The following TNNI3K variants were observed in gnomAD, a reference collection of about 807,000 sequenced individuals.
The protein encoded by TNNI3K is serine/threonine-protein kinase TNNI3K.
A neutral mutation model predicts 114.5 loss-of-function variants in TNNI3K; 140 were observed. That is an observed-to-expected ratio of 1.22 (90% CI 1.07 to 1.41). The LOEUF is 1.41. TNNI3K is among the 40% of genes most tolerant of loss of function. The pLI is 0.00. For synonymous variants in TNNI3K, 347 were observed against 347.5 expected, an observed-to-expected ratio of 1.00 and a Z score of 0.02; for missense variants, 1,125 against 1,007.6, an observed-to-expected ratio of 1.12 and a Z score of -1.58.
chr1:74,328,362 A>G (rs1241210509), intron 5 of TNNI3K, among the ~76,000 whole-genome samples: 2 of 152,088 alleles, frequency 1.3e-5, no homozygotes, highest in Non-Finnish European at 2.9e-5. Context: ...CTTGATAGGT[A>G]TATATTGAAG....
intron 4 of TNNI3K, among the ~76,000 whole-genome samples, chr1:74,254,188 A>G (rs1189755169): frequency 1.3e-5 from 2 of 152,182 alleles, no homozygotes; most frequent in African/African-American, 4.8e-5. Context: ...ATTTGACAGT[A>G]AATTGTATAA....
intron 4 of TNNI3K, among the ~76,000 whole-genome samples, chr1:74,255,505 A>G (rs544620226): frequency 5.9e-5 from 9 of 152,216 alleles, no homozygotes; most frequent in Non-Finnish European, 1.2e-4. Flanking sequence ...TTTTCTAATC[A>G]ATAGAGTAAT....
chr1:74,484,968 A>G (rs911386471), intron 21 of TNNI3K, among the ~76,000 whole-genome samples: 5 of 152,056 alleles, frequency 3.3e-5, no homozygotes, highest in Admixed American at 3.3e-4. Context: ...GTAGAGAAGG[A>G]TGAGAGGTAA....
At chr1:74,256,184 A>AAC (rs1655283736) in intron 4 of TNNI3K, among the ~76,000 whole-genome samples, 1 of 151,968 alleles carries the variant, frequency 6.6e-6, no homozygotes, top group African/African-American at 2.4e-5. Flanking sequence ...GAAACTAACA[A>AAC]ACTTTTTAAC....
intron 21 of TNNI3K, among the ~76,000 whole-genome samples, chr1:74,482,452 A>G (rs1300296442): frequency 6.6e-6 from 1 of 152,246 alleles, no homozygotes; most frequent in African/African-American, 2.4e-5. Flanking sequence ...GTTTAGTGTT[A>G]AAGCATTTTC....
Position 74,369,545 on chromosome 1 carries a change from T to C in TNNI3K, c.1627T>C (p.Ser543Pro), listed in dbSNP as rs757697633. 6.2e-7 allele frequency: 1 copy of C among 1,611,916 alleles called. No individual in the cohort carries two copies. Among genetic ancestry groups the C allele is most frequent in the Non-Finnish European group, 8.5e-7 (1 of 1,178,780 alleles). ...GTTTGCCATTGTCACTCAATACATATCAGGGGGTTCTCTGTTCTCCCTCCT... is the reference window on the plus strand; with the variant it reads ...GTTTGCCATTGTCACTCAATACATACCAGGGGGTTCTCTGTTCTCCCTCCT... ...SQFAIVTQYISGGSLFSLLHE... is the reference protein window; with the variant it reads ...SQFAIVTQYIPGGSLFSLLHE... The change falls in exon 16 of 25, where the codon TCA (serine) becomes CCA (proline). Residue 543 changes from serine to proline, a missense_variant. Coordinates refer to ENST00000326637, the MANE Select transcript of TNNI3K (RefSeq NM_015978.3).
intron 23 of TNNI3K, among the ~76,000 whole-genome samples, chr1:74,499,646 G>A (rs1570705791): frequency 6.6e-6 from 1 of 151,858 alleles, no homozygotes; most frequent in Non-Finnish European, 1.5e-5. Context: ...AGAGGGGAGG[G>A]GGCTACTACA....
At chr1:74,356,362 G>A (rs901449566) in intron 11 of TNNI3K, among the ~76,000 whole-genome samples, 13 of 152,150 alleles carry the variant, frequency 8.5e-5, no homozygotes, top group South Asian at 2.1e-4. Context: ...TATGTCTTTC[G>A]TTGAATATAT....
chr1:74,526,686 C>T (rs1233801295), intron 23 of TNNI3K, among the ~76,000 whole-genome samples: 3 of 152,112 alleles, frequency 2.0e-5, no homozygotes, highest in Non-Finnish European at 4.4e-5. Context: ...TAGTCTTTAA[C>T]ATTCCTCTCC....
At chr1:74,377,479 G>A (rs1270110999) in intron 17 of TNNI3K, among the ~76,000 whole-genome samples, 1 of 151,884 alleles carries the variant, frequency 6.6e-6, no homozygotes, top group Admixed American at 6.6e-5. Flanking sequence ...TTCACAAGTA[G>A]CCAAAACAGA....
chr1:74,318,895 C>T (rs1469487401), intron 5 of TNNI3K, among the ~76,000 whole-genome samples: 2 of 152,204 alleles, frequency 1.3e-5, no homozygotes, highest in African/African-American at 4.8e-5. Context: ...TCGTAAGTAA[C>T]TATTCCAATG....
In TNNI3K at chr1:74,370,312, A is replaced by G. The variant is rs1480101664; in HGVS notation, c.1692A>G (p.Leu564=). ...QKRILDLQSK[L]IIAVDVAKGM... is the part of the protein sequence containing the mutation. ...GGATTCTTGATTTGCAGTCTAAATTAATTATTGCAGTAGATGTTGCCAAAG... is the reference window on the plus strand; with the variant it reads ...GGATTCTTGATTTGCAGTCTAAATTGATTATTGCAGTAGATGTTGCCAAAG... The change falls in exon 17 of 25, where the codon TTA becomes TTG. Residue 564 remains leucine, a synonymous_variant. Coordinates refer to ENST00000326637, the MANE Select transcript of TNNI3K (RefSeq NM_015978.3). 1.2e-6 allele frequency: 2 copies of G among 1,600,282 alleles called. No individual in the cohort carries two copies. The highest frequency in any genetic ancestry group is 3.3e-4 in the Middle Eastern group (2 of 6,004).
At chr1:74,403,024 TGATA>T (rs1664447794) in intron 17 of TNNI3K, among the ~76,000 whole-genome samples, 1 of 152,214 alleles carries the variant, frequency 6.6e-6, no homozygotes, top group African/African-American at 2.4e-5. Context: ...ATTCTAATGA[TGATA>T]GATATTTAAA....
Position 74,369,568 on chromosome 1 carries a change from C to T in TNNI3K, c.1650C>T (p.Leu550=). ...TATCAGGGGGTTCTCTGTTCTCCCT[C>T]CTTCATGAGCAGAAGAGGTATGGGT... The part of the protein sequence containing the change: ...QYISGGSLFS[L]LHEQKRILDL... Residue 550 remains leucine (L), a synonymous_variant, in exon 16 of 25, where the codon CTC becomes CTT. Coordinates refer to ENST00000326637, the MANE Select transcript of TNNI3K (RefSeq NM_015978.3). 6.2e-7 allele frequency: 1 copy of T among 1,608,238 alleles called. No homozygotes were observed.
chr1:74,247,800 C>T (rs1654673390), intron 2 of TNNI3K, among the ~76,000 whole-genome samples: 1 of 152,208 alleles, frequency 6.6e-6, no homozygotes, highest in Non-Finnish European at 1.5e-5. Flanking sequence ...TAAAAGTTCT[C>T]CAAGTCCCCA....
chr1:74,247,582 G>A (rs1654655438), intron 2 of TNNI3K, among the ~76,000 whole-genome samples: 1 of 152,164 alleles, frequency 6.6e-6, no homozygotes, highest in Admixed American at 6.5e-5. Flanking sequence ...TGATTGGTCC[G>A]TTTTGACAGG....
chr1:74,276,602 G>T (rs1656701605), intron 5 of TNNI3K, among the ~76,000 whole-genome samples: 1 of 151,970 alleles, frequency 6.6e-6, no homozygotes, highest in African/African-American at 2.4e-5. Flanking sequence ...TATTATCATG[G>T]TTAGCAGAAA....
At chr1:74,491,395 T>G (rs1669067599) in intron 22 of TNNI3K, among the ~76,000 whole-genome samples, 2 of 152,274 alleles carry the variant, frequency 1.3e-5, no homozygotes, top group Admixed American at 1.3e-4. Context: ...AATTTTTGTA[T>G]TTTTATTAGA....
chr1:74,400,602 C>T (rs895353793), intron 17 of TNNI3K, among the ~76,000 whole-genome samples: 1 of 152,192 alleles, frequency 6.6e-6, no homozygotes, highest in Non-Finnish European at 1.5e-5. Context: ...TCTATCATTG[C>T]TCTTTCCCAC....
Sources: allele counts gnomAD v4.1 joint callset (sites outside exome capture counted in the v4.1 genomes callset), GRCh38; gene constraint gnomAD v4.1.1; transcripts MANE v1.5; gene names NCBI Gene and HGNC (gene_info 2026-07-23, HGNC 2026-07-21).